The following FRK variants were observed in gnomAD, a reference collection of about 807,000 sequenced individuals.
FRK encodes fyn related Src family tyrosine kinase.
FRK carries 51 observed loss-of-function variants against 56.4 expected under a neutral mutation model. That is an observed-to-expected ratio of 0.90 (90% confidence interval 0.72 to 1.14). The LOEUF is 1.14. Ranked by LOEUF, FRK falls within the 50% of genes most tolerant of loss-of-function variation. The probability of loss-of-function intolerance (pLI) is 0.00; values close to 1 mark genes in which losing one functional copy is unlikely to be tolerated. For synonymous variants in FRK, 245 were observed against 217.9 expected, an observed-to-expected ratio of 1.12 and a Z score of -1.10; for missense variants, 570 against 601.4, an observed-to-expected ratio of 0.95 and a Z score of 0.55.
In FRK at chr6:115,934,752, T is replaced by A. The variant is rs1772014056; in HGVS notation, c.*7662A>T. The A allele has an allele frequency of 6.6e-6, 1 of 152,234 alleles. No homozygotes were observed. Among genetic ancestry groups the A allele is most frequent in the Admixed American group, 6.5e-5 (1 of 15,286 alleles). 9.4% of individuals were successfully genotyped at this position (152,234 alleles called of 1,614,324 possible). On this transcript the variant is annotated 3_prime_UTR_variant, in exon 8 of 8. Coordinates refer to ENST00000606080, the MANE Select transcript of FRK (RefSeq NM_002031.3). ...ATATTCTGCTTTCTCATGGCTTGTT[T>A]CATTCCTATTGCTTTACACTGGAAG...
At position 116,052,386 on chromosome 6, in the gene FRK, C is replaced by T. The variant is rs76521881; in HGVS notation, c.344+7582G>A. Among the ~76,000 whole-genome samples the T allele has an allele frequency of 7.7e-3, 1,176 of 152,124 alleles. 19 individuals are homozygous for T. Among genetic ancestry groups the T allele is most frequent in the African/African-American group, 0.027 (1,129 of 41,528 alleles). ...AGGAACAATTAAAGAAGAGGTGTCTCTGTGGGCTGCTCTTTAAAAGACCTG... is the reference window on the plus strand; with the variant it reads ...AGGAACAATTAAAGAAGAGGTGTCTTTGTGGGCTGCTCTTTAAAAGACCTG... On this transcript the variant is annotated intron_variant, in intron 1 of 7. Transcript: ENST00000606080.
rs1043895247 is a variant in FRK at position 115,938,709 on chromosome 6, C to T, written c.*3705G>A. 1 of 152,076 alleles carries T rather than the reference C, an allele frequency of 6.6e-6. No homozygotes were observed. Among genetic ancestry groups the T allele is most frequent in the African/African-American group, 2.4e-5 (1 of 41,390 alleles). 9.4% of individuals were successfully genotyped at this position (152,076 alleles called of 1,614,324 possible). On this transcript the variant is annotated 3_prime_UTR_variant, in exon 8 of 8. Coordinates refer to ENST00000606080, the MANE Select transcript of FRK (RefSeq NM_002031.3). ...CTATAAATACCTCTAAGCAAATAAA[C>T]TAGAAAATCTAGAAGAAATGGGTAA...
chr6:116,099,960 T>C, the FRK span, among the ~76,000 whole-genome samples: 1 of 152,244 alleles, frequency 6.6e-6, no homozygotes, highest in African/African-American at 2.4e-5. Flanking sequence ...AGGAAGAGAA[T>C]TAAATGCCCT....
At chr6:116,019,856 G>A (rs763258161) in intron 1 of FRK, among the ~76,000 whole-genome samples, 14 of 152,170 alleles carry the variant, frequency 9.2e-5, no homozygotes, top group Middle Eastern at 3.4e-3. Context: ...CAAACTTCAG[G>A]TTCTAAAAAT....
At chr6:115,955,358 A>T (rs1772942571) in intron 5 of FRK, among the ~76,000 whole-genome samples, 2 of 152,200 alleles carry the variant, frequency 1.3e-5, no homozygotes, top group East Asian at 3.8e-4. Flanking sequence ...AGATGTAATT[A>T]TGTGAATATT....
intron 1 of FRK, among the ~76,000 whole-genome samples, chr6:116,050,405 A>G (rs1474181465): frequency 6.6e-6 from 1 of 152,180 alleles, no homozygotes; most frequent in Non-Finnish European, 1.5e-5. Flanking sequence ...TCTCAATAAG[A>G]TTTATTAAAT....
intron 2 of FRK, among the ~76,000 whole-genome samples, chr6:115,971,216 AG>A (rs1773794472): frequency 6.6e-6 from 1 of 152,184 alleles, no homozygotes; most frequent in East Asian, 1.9e-4. Flanking sequence ...TCAGTATGGA[AG>A]GTTATTAAAG....
At chr6:115,958,283 ACC>A (rs34544807) in intron 4 of FRK, among the ~76,000 whole-genome samples, 10 of 150,486 alleles carry the variant, frequency 6.6e-5, no homozygotes, top group African/African-American at 2.4e-4. Flanking sequence ...CCCCACTACC[ACC>A]CCCCCCAAAA....
At chr6:115,985,953 T>C (rs1774375061) in intron 2 of FRK, among the ~76,000 whole-genome samples, 3 of 90,892 alleles carry the variant, frequency 3.3e-5, no homozygotes, top group Non-Finnish European at 7.6e-5. Context: ...ATATATTTTA[T>C]AGTAGACAAC....
chr6:116,083,000 C>A, the FRK span, among the ~76,000 whole-genome samples: 2 of 151,962 alleles, frequency 1.3e-5, no homozygotes, highest in Admixed American at 1.3e-4. Flanking sequence ...GTTCAAGGAA[C>A]GCAGAAGTTT....
At chr6:116,049,415 A>G (rs1054520585) in intron 1 of FRK, among the ~76,000 whole-genome samples, 1 of 152,244 alleles carries the variant, frequency 6.6e-6, no homozygotes, top group Non-Finnish European at 1.5e-5. Context: ...TTTCTGCTCC[A>G]GGAAATTTAC....
chr6:115,977,534 T>C (rs1774032440), intron 2 of FRK, among the ~76,000 whole-genome samples: 1 of 152,180 alleles, frequency 6.6e-6, no homozygotes, highest in Non-Finnish European at 1.5e-5. Flanking sequence ...AGGAAGTGTC[T>C]ATATTAGTTG....
chr6:115,942,272 T>C lies in FRK; in HGVS notation c.*142A>G, dbSNP rs1582625351. ...CAATAAAATGCACAAATAATCTTTT[T>C]CATAATACATGGCCAACTTTATCCT... On this transcript the variant is annotated 3_prime_UTR_variant, in exon 8 of 8. Transcript: ENST00000606080. The C allele has an allele frequency of 5.9e-6, 4 of 678,050 alleles. No homozygotes were observed. In the East Asian group the frequency reaches 1.1e-4, roughly 19 times the overall value. 42.0% of individuals were successfully genotyped at this position (678,050 alleles called of 1,614,324 possible).
the FRK span, among the ~76,000 whole-genome samples, chr6:116,091,732 G>A: frequency 6.6e-6 from 1 of 152,180 alleles, no homozygotes; most frequent in Admixed American, 6.5e-5. Context: ...AGACAGGGGT[G>A]TCAGGGTTTC....
the FRK span, among the ~76,000 whole-genome samples, chr6:116,078,353 T>C: frequency 6.6e-6 from 1 of 152,158 alleles, no homozygotes; most frequent in Non-Finnish European, 1.5e-5. Flanking sequence ...ACAGTCCTGT[T>C]TTTCTTCTAA....
At chr6:116,054,208 G>C (rs951098412) in intron 1 of FRK, among the ~76,000 whole-genome samples, 1 of 150,378 alleles carries the variant, frequency 6.6e-6, no homozygotes, top group Non-Finnish European at 1.5e-5. Context: ...TTTTAAAAAC[G>C]TATTTGTCAT....
intron 1 of FRK, among the ~76,000 whole-genome samples, chr6:116,055,114 T>C (rs1031594502): frequency 2.6e-5 from 4 of 152,198 alleles, no homozygotes; most frequent in African/African-American, 7.2e-5. Flanking sequence ...ATAGGTGATA[T>C]AAGAATCTTT....
the FRK span, among the ~76,000 whole-genome samples, chr6:116,091,331 C>A: frequency 2.0e-5 from 3 of 152,130 alleles, no homozygotes; most frequent in Non-Finnish European, 2.9e-5. Flanking sequence ...TGGGTGGGGA[C>A]AAATAAGGGA....
chr6:116,024,332 G>A (rs1026447138), intron 1 of FRK, among the ~76,000 whole-genome samples: 4 of 151,358 alleles, frequency 2.6e-5, no homozygotes. Flanking sequence ...AGTTACATAT[G>A]TATACATGTG....
Sources: gnomAD v4.1 joint callset for allele counts (sites outside exome capture counted in the v4.1 genomes callset) on GRCh38, gnomAD v4.1.1 for gene constraint, MANE v1.5 for transcripts, NCBI Gene and HGNC (gene_info 2026-07-23, HGNC 2026-07-21) for gene names.